The following FAM118B variants were observed in gnomAD, a reference collection of about 807,000 sequenced individuals.
FAM118B encodes the protein SIR2 antiphage like 1.
Under a neutral mutation model 38.5 loss-of-function variants are expected in FAM118B, and 24 were observed. The observed-to-expected ratio is 0.62, with a 90% CI of 0.45 to 0.88. FAM118B has a LOEUF of 0.88. FAM118B is among the 40% of genes least tolerant of loss of function. FAM118B has a pLI of 0.00. For synonymous variants in FAM118B, 138 were observed against 156.3 expected (o/e 0.88, Z 0.87); for missense variants, 334 against 420.0 (o/e 0.80, Z 1.79).
chr11:126,261,579 A>G, intron 8 of FAM118B, 95 bp downstream of exon 8: 1 of 992,270 alleles, frequency 1.0e-6, no homozygotes, highest in South Asian at 1.4e-5. Context: ...TTTGGACCTC[A>G]CATTGCCAAA....
chr11:126,251,853 T>A (rs1259202115), intron 5 of FAM118B, among the ~76,000 whole-genome samples: 2 of 152,112 alleles, frequency 1.3e-5, no homozygotes, highest in African/African-American at 4.8e-5. Flanking sequence ...CGGCTAATTT[T>A]GTATTTTTGG....
At chr11:126,216,981 G>C (rs564942645) in intron 1 of FAM118B, among the ~76,000 whole-genome samples, 1 of 152,378 alleles carries the variant, frequency 6.6e-6, no homozygotes, top group East Asian at 1.9e-4. Context: ...ACAGGACGCT[G>C]TCTATGCCAT....
At chr11:126,226,498 C>T (rs1053051576) in intron 1 of FAM118B, among the ~76,000 whole-genome samples, 1 of 152,076 alleles carries the variant, frequency 6.6e-6, no homozygotes, top group Non-Finnish European at 1.5e-5. Context: ...GAACGTGGCG[C>T]AAGTTCCTAT....
At chr11:126,238,882 G>A (rs537192919) in intron 3 of FAM118B, among the ~76,000 whole-genome samples, 33 of 147,762 alleles carry the variant, frequency 2.2e-4, no homozygotes, top group Middle Eastern at 3.5e-3. Context: ...ATATATACCC[G>A]CTAAAAAAAA....
At chr11:126,234,602 A>G (rs1252072193) in intron 2 of FAM118B, among the ~76,000 whole-genome samples, 2 of 152,214 alleles carry the variant, frequency 1.3e-5, no homozygotes, top group African/African-American at 4.8e-5. Flanking sequence ...TAATACACTT[A>G]TCTATGGGTG....
rs1225341337 is a variant in FAM118B, at chr11:126,255,289, C to T, written c.696+856C>T. Among the ~76,000 whole-genome samples the T allele has an allele frequency of 1.3e-5, 2 of 152,174 alleles. No homozygotes were observed. On this transcript the variant is annotated intron_variant, in intron 6 of 8. Transcript: ENST00000533050. This position sits in a 1 kb window ranked among gnomAD's most constrained non-coding sequence, Gnocchi z 4.6. ...CCCCCAGCTCTAAGAATCTTGTTTG[C>T]TGTTTTCAGGACTGGGTCATATAGA...
chr11:126,262,233 A>C lies in FAM118B; in HGVS notation c.*100A>C. On this transcript the variant is annotated 3_prime_UTR_variant, in exon 9 of 9. Transcript: ENST00000533050. ...TACAAGAACCCAACACAATTCCCAG[A>C]AAGTAACAATAGCCAGAGGTTGAAG... 7.4e-7 allele frequency: 1 copy of C among 1,349,220 alleles called. No individual in the cohort carries two copies. Among genetic ancestry groups the C allele is most frequent in the Non-Finnish European group, 1.1e-6 (1 of 944,732 alleles). 83.6% of individuals were successfully genotyped at this position (1,349,220 alleles called of 1,614,324 possible). A position where few individuals can be genotyped will look rare whatever the true frequency, so the allele number is the denominator to read the frequency against.
At chr11:126,212,729 TAC>T in intron 1 of FAM118B, among the ~76,000 whole-genome samples, 1 of 152,336 alleles carries the variant, frequency 6.6e-6, no homozygotes, top group South Asian at 2.1e-4. Flanking sequence ...ATTTGGGTTC[TAC>T]ACCTCCTAAA....
In FAM118B at chr11:126,262,189, A is replaced by C; in HGVS notation, c.*56A>C. The C allele has an allele frequency of 6.3e-7, 1 of 1,581,932 alleles. No homozygotes were observed. Among genetic ancestry groups the C allele is most frequent in the African/African-American group, 1.3e-5 (1 of 74,222 alleles). On this transcript the variant is annotated 3_prime_UTR_variant, in exon 9 of 9. Coordinates refer to ENST00000533050, the MANE Select transcript of FAM118B (RefSeq NM_024556.4). ...CAAGCTGTAAGGCCCTACTACAGAC[A>C]GTGTTTAACAAGTAAACTTACAAGA...
At chr11:126,243,508 T>C (rs1950383656) in intron 4 of FAM118B, among the ~76,000 whole-genome samples, 1 of 151,428 alleles carries the variant, frequency 6.6e-6, no homozygotes, top group Non-Finnish European at 1.5e-5. Context: ...CCAGGATCTC[T>C]TAGGAACATG....
At chr11:126,228,894 T>G (rs749036275) in intron 1 of FAM118B, among the ~76,000 whole-genome samples, 1 of 152,192 alleles carries the variant, frequency 6.6e-6, no homozygotes, top group Non-Finnish European at 1.5e-5. Context: ...TCCTTTATAA[T>G]GATGGCATCT....
intron 7 of FAM118B, among the ~76,000 whole-genome samples, chr11:126,257,623 G>C (rs934281864): frequency 7.1e-6 from 1 of 141,774 alleles, no homozygotes; most frequent in South Asian, 2.2e-4. Flanking sequence ...TTTTTTTTTG[G>C]TGCGTGTAGA....
rs368790365 is a variant in FAM118B, at chr11:126,252,420, C to T, written c.567+1687C>T. 3.3e-5 allele frequency among the ~76,000 whole-genome samples: 5 copies of T among 152,266 alleles called. No homozygotes were observed. The East Asian group carries it at 9.6e-4, about 29-fold the overall frequency. On this transcript the variant is annotated intron_variant, in intron 5 of 8. Coordinates refer to ENST00000533050, the MANE Select transcript of FAM118B (RefSeq NM_024556.4). This position sits in a 1 kb window ranked among gnomAD's most constrained non-coding sequence, Gnocchi z 4.7. ...TACAACCCTCATGTCTCAAATATGA[C>T]AGTTAGGTGCTTGGTAAATATTTTT... is the stretch of plus-strand genomic sequence containing the variant.
intron 4 of FAM118B, among the ~76,000 whole-genome samples, chr11:126,246,340 T>C (rs1222347863): frequency 6.6e-6 from 1 of 152,286 alleles, no homozygotes; most frequent in African/African-American, 2.4e-5. Flanking sequence ...GCCAGTTTAA[T>C]GTATACTGGG....
chr11:126,238,713 C>T (rs1950313986), intron 3 of FAM118B, among the ~76,000 whole-genome samples: 1 of 152,152 alleles, frequency 6.6e-6, no homozygotes, highest in Non-Finnish European at 1.5e-5. Flanking sequence ...GTAACTGATT[C>T]TCCTATTTTA....
intron 7 of FAM118B, chr11:126,261,173 T>TGTAAAAC (rs1950689031): frequency 2.1e-6 from 1 of 471,746 alleles, no homozygotes; most frequent in African/African-American, 1.9e-5. Flanking sequence ...AAATGTAAAA[T>TGTAAAAC]GTAAAATGTT....
chr11:126,254,457 T>C (rs1435581744), intron 6 of FAM118B, 24 bp downstream of exon 6: 6 of 1,611,938 alleles, frequency 3.7e-6, no homozygotes, highest in Non-Finnish European at 4.2e-6. Flanking sequence ...ATCTTGCTGG[T>C]CTCAGGAACT....
chr11:126,241,466 A>C (rs1472488720), intron 4 of FAM118B, among the ~76,000 whole-genome samples: 1 of 152,216 alleles, frequency 6.6e-6, no homozygotes, highest in South Asian at 2.1e-4. Flanking sequence ...ATAAGTCAAA[A>C]TATTTAGAAG....
At chr11:126,236,652 G>A (rs1202699997) in intron 3 of FAM118B, among the ~76,000 whole-genome samples, 1 of 151,986 alleles carries the variant, frequency 6.6e-6, no homozygotes, top group African/African-American at 2.4e-5. Context: ...TTACTTTTTT[G>A]ATACTTTCCA....
Sources: allele counts gnomAD v4.1 joint callset (sites outside exome capture counted in the v4.1 genomes callset), GRCh38; gene constraint gnomAD v4.1.1; non-coding constraint Gnocchi (gnomAD v3.1); transcripts MANE v1.5; gene names NCBI Gene and HGNC (gene_info 2026-07-23, HGNC 2026-07-21).